Variants in EVL observed in about 807,000 individuals in gnomAD.
EVL encodes ena/VASP-like protein.
In EVL, 21 loss-of-function variants were observed where a neutral mutation model predicts 59.6. The ratio of observed to expected loss-of-function variants is 0.35; its 90% CI spans 0.25 to 0.51. EVL has a LOEUF of 0.51. EVL is among the 20% of genes least tolerant of loss of function. The probability of loss-of-function intolerance (pLI) is 0.97; values close to 1 mark genes in which losing one functional copy is unlikely to be tolerated. For synonymous variants in EVL, 198 were observed against 203.5 expected (o/e 0.97, Z 0.23); for missense variants, 462 against 546.6 (o/e 0.85, Z 1.54).
chr14:100,129,964 G>A (rs1401011045), intron 7 of EVL, among the ~76,000 whole-genome samples: 1 of 152,228 alleles, frequency 6.6e-6, no homozygotes, highest in East Asian at 1.9e-4. Flanking sequence ...AGATAAATGT[G>A]GAGACAATTT....
At chr14:99,985,887 C>T (rs1354443220) in intron 1 of EVL, among the ~76,000 whole-genome samples, 1 of 152,128 alleles carries the variant, frequency 6.6e-6, no homozygotes, top group African/African-American at 2.4e-5. Flanking sequence ...CAATTTAGAT[C>T]TCTAACTTCG....
At chr14:100,106,986 A>G (rs1595188864) in intron 3 of EVL, 1 of 398,658 alleles carries the variant, frequency 2.5e-6, no homozygotes, top group East Asian at 3.6e-5. Flanking sequence ...GGAAGAGTGC[A>G]TGTCCTGGAG....
At chr14:99,982,522 C>T (rs1313951682) in intron 1 of EVL, among the ~76,000 whole-genome samples, 2 of 151,980 alleles carry the variant, frequency 1.3e-5, no homozygotes, top group Non-Finnish European at 2.9e-5. Context: ...AAAACAAGCA[C>T]CAAAGGAAGG....
intron 1 of EVL, among the ~76,000 whole-genome samples, chr14:100,055,804 TTTCTTTTTCTTTC>T (rs1258034835): frequency 3.3e-5 from 5 of 151,310 alleles, no homozygotes; most frequent in Non-Finnish European, 7.4e-5. Context: ...TTTTTTCTTT[TTTCTTTTTCTTTC>T]TCTTTTTCTT....
At chr14:100,026,920 T>C (rs1282405355) in intron 1 of EVL, among the ~76,000 whole-genome samples, 5 of 152,064 alleles carry the variant, frequency 3.3e-5, no homozygotes, top group Non-Finnish European at 5.9e-5. Flanking sequence ...ATGTGGATCT[T>C]TGATAGATGA....
intron 1 of EVL, among the ~76,000 whole-genome samples, chr14:100,073,336 T>TTTG (rs2062089849): frequency 6.7e-6 from 1 of 149,594 alleles, no homozygotes; most frequent in Admixed American, 6.6e-5. Context: ...TTTTTTTTTT[T>TTTG]GGGGAGACAG....
At chr14:100,122,975 C>G (rs188002883) in intron 3 of EVL, among the ~76,000 whole-genome samples, 32 of 152,352 alleles carry the variant, frequency 2.1e-4, no homozygotes, top group Non-Finnish European at 4.7e-4. Flanking sequence ...TCCAGACACC[C>G]TTTGTAGACA....
intron 1 of EVL, among the ~76,000 whole-genome samples, chr14:100,020,510 GCTT>G (rs2061105037): frequency 1.3e-5 from 2 of 151,988 alleles, no homozygotes; most frequent in African/African-American, 2.4e-5. Flanking sequence ...ACTTCTGAAA[GCTT>G]CTCATTTTTC....
At chr14:100,073,615 C>T (rs967715873) in intron 1 of EVL, among the ~76,000 whole-genome samples, 2 of 152,114 alleles carry the variant, frequency 1.3e-5, no homozygotes, top group South Asian at 2.1e-4. Flanking sequence ...CCACTGTGCC[C>T]GGCCCTTGTT....
chr14:100,042,685 G>A (rs896075056), intron 1 of EVL, among the ~76,000 whole-genome samples: 3 of 152,132 alleles, frequency 2.0e-5, no homozygotes, highest in Admixed American at 2.0e-4. Context: ...GGAATTAATG[G>A]TAGTTATTAG....
At position 100,141,756 on chromosome 14, in the gene EVL, G is replaced by A. The variant is rs1437291949; in HGVS notation, c.1182G>A (p.Val394=). 1.9e-6 allele frequency: 3 copies of A among 1,613,534 alleles called. No homozygotes were observed. The highest frequency in any genetic ancestry group is 1.1e-5 in the South Asian group (1 of 91,068). ...RMKQEILEEV[V]RELHKVKEEI... The stretch of plus-strand genomic sequence containing the variant: ...AACAGGAGATCCTAGAGGAGGTGGT[G>A]AGAGAGCTCCACAAGGTGAAGGAGG... The change falls in exon 13 of 14, where the codon GTG becomes GTA. Residue 394 remains valine (V), a synonymous_variant. Transcript: ENST00000392920.
intron 1 of EVL, chr14:100,019,620 A>C (rs773280900): frequency 9.3e-5 from 141 of 1,514,684 alleles, no homozygotes; most frequent in Non-Finnish European, 1.2e-4. Context: ...CCTCCATACC[A>C]AAAAGACTAC....
chr14:100,141,090 G>C, intron 11 of EVL, 90 bp from the exon 12 acceptor site: 2 of 1,297,990 alleles, frequency 1.5e-6, no homozygotes, highest in Non-Finnish European at 2.2e-6. Flanking sequence ...AGGGGAGCAG[G>C]TGGGCCCAGC....
chr14:100,135,853 G>T, intron 8 of EVL, 52 bp from the exon 9 acceptor site: 1 of 1,557,364 alleles, frequency 6.4e-7, no homozygotes. Flanking sequence ...ATGATGTCCT[G>T]CCCTGGCCCC....
chr14:100,060,426 G>A (rs955837206), upstream of EVL, among the ~76,000 whole-genome samples: 1 of 137,896 alleles, frequency 7.3e-6, no homozygotes, highest in Non-Finnish European at 1.5e-5. Context: ...GCGAGACTCC[G>A]TCTCAAAAAA....
intron 1 of EVL, among the ~76,000 whole-genome samples, chr14:100,028,938 CT>C (rs1390839478): frequency 6.6e-6 from 1 of 152,182 alleles, no homozygotes; most frequent in African/African-American, 2.4e-5. Flanking sequence ...TAAGCTATGA[CT>C]GTCACTTTAT....
intron 7 of EVL, 56 bp from the exon 8 acceptor site, chr14:100,132,663 G>C: frequency 6.3e-7 from 1 of 1,585,556 alleles, no homozygotes; most frequent in Non-Finnish European, 8.7e-7. Context: ...GAAGAGTTCT[G>C]GGACAGTGAG....
At chr14:100,041,239 C>A (rs2061463069) in intron 1 of EVL, among the ~76,000 whole-genome samples, 1 of 152,132 alleles carries the variant, frequency 6.6e-6, no homozygotes, top group South Asian at 2.1e-4. Flanking sequence ...AGATATTGAA[C>A]TTTTTTTCCC....
chr14:99,975,842 A>G (rs1372075331), intron 1 of EVL, among the ~76,000 whole-genome samples: 3 of 151,850 alleles, frequency 2.0e-5, no homozygotes, highest in Admixed American at 6.6e-5. Context: ...CCATTTCACT[A>G]TATCTTCTAT....
Sources: allele counts gnomAD v4.1 joint callset (sites outside exome capture counted in the v4.1 genomes callset), GRCh38; gene constraint gnomAD v4.1.1; transcripts MANE v1.5; gene names NCBI Gene and HGNC (gene_info 2026-07-23, HGNC 2026-07-21).